The following CLIC2 variants were observed in gnomAD, a reference collection of about 807,000 sequenced individuals.
The protein encoded by CLIC2 is chloride intracellular channel protein 2.
In CLIC2, 9 loss-of-function variants were observed where a neutral mutation model predicts 14.8. That is an observed-to-expected ratio of 0.61 (90% confidence interval 0.37 to 1.06). CLIC2 has a LOEUF of 1.06. Ranked by LOEUF, CLIC2 falls within the 50% of genes least tolerant of loss-of-function variation. CLIC2 has a pLI of 0.01. For synonymous variants in CLIC2, 61 were observed against 66.3 expected (o/e 0.92, Z 0.39); for missense variants, 148 against 181.4 (o/e 0.82, Z 1.06).
At chrX:155,283,880 T>C (rs1557316821) in intron 3 of CLIC2, among the ~76,000 whole-genome samples, 1 of 112,130 alleles carries the variant, frequency 8.9e-6, no homozygotes, top group Non-Finnish European at 1.9e-5. Context: ...GTGTGGCCTC[T>C]GAAATATTTG....
intron 3 of CLIC2, among the ~76,000 whole-genome samples, chrX:155,280,880 C>T (rs1557316362): frequency 1.9e-5 from 2 of 107,853 alleles, no homozygotes; most frequent in Non-Finnish European, 3.8e-5. Context: ...AAATCAGCAC[C>T]TCATGGAGAT....
intron 1 of CLIC2, among the ~76,000 whole-genome samples, chrX:155,314,753 C>A (rs1356506610): frequency 1.8e-5 from 2 of 111,750 alleles, no homozygotes; most frequent in African/African-American, 6.5e-5. Flanking sequence ...AAAAAGAATT[C>A]AGAAGGTAGA....
intron 1 of CLIC2, among the ~76,000 whole-genome samples, chrX:155,308,281 C>G (rs1557320208): frequency 9.2e-6 from 1 of 109,113 alleles, no homozygotes; most frequent in African/African-American, 3.3e-5. Flanking sequence ...AAAAATGCAT[C>G]AAAGTCTTTT....
chrX:155,306,287 A>C (rs782350916), intron 1 of CLIC2, among the ~76,000 whole-genome samples: 1 of 110,862 alleles, frequency 9.0e-6, no homozygotes, highest in African/African-American at 3.3e-5. Context: ...CTGGTTGTTA[A>C]AAGTATGTGG....
intron 3 of CLIC2, among the ~76,000 whole-genome samples, chrX:155,286,135 C>T (rs1324255072): frequency 1.8e-5 from 2 of 111,870 alleles, no homozygotes; most frequent in Non-Finnish European, 1.9e-5. Flanking sequence ...TCCTCCAACC[C>T]TCCACCCTCA....
intron 3 of CLIC2, among the ~76,000 whole-genome samples, chrX:155,294,383 C>T (rs1431554490): frequency 9.0e-6 from 1 of 110,965 alleles, no homozygotes; most frequent in East Asian, 2.8e-4. Flanking sequence ...ATACATAAAC[C>T]TGTGGGATAC....
At chrX:155,300,178 T>A (rs1477315622) in intron 1 of CLIC2, among the ~76,000 whole-genome samples, 1 of 109,795 alleles carries the variant, frequency 9.1e-6, no homozygotes, top group Non-Finnish European at 1.9e-5. Flanking sequence ...GTTGAACTAG[T>A]TTACAGTCCC....
At chrX:155,283,961 C>G (rs781800504) in intron 3 of CLIC2, among the ~76,000 whole-genome samples, 1 of 111,871 alleles carries the variant, frequency 8.9e-6, no homozygotes, top group African/African-American at 3.2e-5. Flanking sequence ...AACAAAGAAA[C>G]AAACTATGAA....
intron 1 of CLIC2, among the ~76,000 whole-genome samples, chrX:155,329,878 C>A (rs2075150781): frequency 9.0e-6 from 1 of 111,453 alleles, no homozygotes. Flanking sequence ...GAGATTCAGT[C>A]ATTTGCAACA....
intron 3 of CLIC2, among the ~76,000 whole-genome samples, chrX:155,285,949 G>T (rs1395720685): frequency 9.2e-6 from 1 of 109,268 alleles, no homozygotes; most frequent in Admixed American, 9.7e-5. Context: ...AAAGCCGAAA[G>T]AGGAGGCCCC....
At chrX:155,294,112 C>T (rs1205592133) in intron 3 of CLIC2, among the ~76,000 whole-genome samples, 1 of 111,962 alleles carries the variant, frequency 8.9e-6, no homozygotes, top group Non-Finnish European at 1.9e-5. Flanking sequence ...AATATACATT[C>T]ATCAGCACAT....
At chrX:155,316,257 C>A (rs10126309) in intron 1 of CLIC2, among the ~76,000 whole-genome samples, 149 of 111,763 alleles carry the variant, frequency 1.3e-3, no homozygotes, top group African/African-American at 4.8e-3. Flanking sequence ...TACCCTAAAA[C>A]AAATGGACTT....
chrX:155,297,860 C>CAAA (rs200891873), intron 3 of CLIC2, among the ~76,000 whole-genome samples: 1 of 5,119 alleles, frequency 2.0e-4, no homozygotes, highest in African/African-American at 4.3e-4. Flanking sequence ...ACTCCGGTCT[C>CAAA]AAAAAAAAAA....
chrX:155,331,528 T>C (rs191248063), intron 1 of CLIC2, among the ~76,000 whole-genome samples: 1 of 111,865 alleles, frequency 8.9e-6, no homozygotes, highest in Non-Finnish European at 1.9e-5. Context: ...TTAACATTTA[T>C]AAAGTGTTTA....
chrX:155,313,242 A>G (rs1179765031), intron 1 of CLIC2, among the ~76,000 whole-genome samples: 1 of 110,026 alleles, frequency 9.1e-6, no homozygotes, highest in African/African-American at 3.3e-5. Context: ...GTTGCAGGGA[A>G]AAAGGAACAC....
At chrX:155,303,540 C>A (rs200169931) in intron 1 of CLIC2, among the ~76,000 whole-genome samples, 1 of 49,064 alleles carries the variant, frequency 2.0e-5, no homozygotes, top group African/African-American at 7.4e-5. Flanking sequence ...ATCCAATTTG[C>A]CAGTCTGTGT....
At chrX:155,319,568 C>T (rs1476802427) in intron 1 of CLIC2, among the ~76,000 whole-genome samples, 1 of 112,300 alleles carries the variant, frequency 8.9e-6, no homozygotes. Flanking sequence ...ACCAGCAGAC[C>T]AGGAGATTCC....
intron 1 of CLIC2, among the ~76,000 whole-genome samples, chrX:155,301,302 T>C (rs1321659991): frequency 3.6e-3 from 390 of 108,730 alleles, no homozygotes; most frequent in African/African-American, 0.012. Context: ...ACATCCCTTG[T>C]AAGTTGGATT....
chrX:155,325,763 T>TATA (rs1310753640), intron 1 of CLIC2, among the ~76,000 whole-genome samples: 32 of 4,804 alleles, frequency 6.7e-3, no homozygotes, highest in African/African-American at 0.061. Context: ...GAAAATGTGA[T>TATA]ATATATATAT....
Sources: gnomAD v4.1 joint callset for allele counts (sites outside exome capture counted in the v4.1 genomes callset) on GRCh38, gnomAD v4.1.1 for gene constraint, MANE v1.5 for transcripts, NCBI Gene and HGNC (gene_info 2026-07-23, HGNC 2026-07-21) for gene names.